Variants in KDM4B observed in about 807,000 individuals in gnomAD.
KDM4B encodes the protein lysine-specific demethylase 4B.
A neutral mutation model predicts 125.2 loss-of-function variants in KDM4B; 32 were observed. That is an observed-to-expected ratio of 0.26 (90% CI 0.19 to 0.34). The LOEUF is 0.34. KDM4B is among the 10% of genes least tolerant of loss of function. The probability of loss-of-function intolerance (pLI) is 1.00; values close to 1 mark genes in which losing one functional copy is unlikely to be tolerated. For missense variants in KDM4B, 1,190 were observed against 1,577.7 expected (o/e 0.75, Z 4.16); for synonymous variants, 721 against 677.9 (o/e 1.06, Z -0.99).
intron 11 of KDM4B, among the ~76,000 whole-genome samples, chr19:5,125,053 C>T (rs1255708702): frequency 6.6e-6 from 1 of 152,020 alleles, no homozygotes; most frequent in East Asian, 1.9e-4. Context: ...ACGTGCACCG[C>T]AACTCCGCTC....
intron 9 of KDM4B, among the ~76,000 whole-genome samples, chr19:5,088,213 C>A (rs777683765): frequency 7.2e-5 from 11 of 152,230 alleles, no homozygotes; most frequent in Non-Finnish European, 1.6e-4. Context: ...GGTGACCGTC[C>A]ACACCTGCAG....
chr19:5,131,072 A>G lies in KDM4B; in HGVS notation c.1316-4A>G. 6.7e-7 allele frequency: 1 copy of G among 1,502,712 alleles called. No individual in the cohort carries two copies. Among genetic ancestry groups the G allele is most frequent in the African/African-American group, 1.4e-5 (1 of 71,584 alleles). 93.1% of individuals were successfully genotyped at this position (1,502,712 alleles called of 1,614,324 possible). ...TCCCTGACCTCCCTCTCCTCTTCCC[A>G]CAGAGGACGGGAGGGGCAAGCTGCG... is the stretch of plus-strand genomic sequence containing the variant. On this transcript the variant is annotated splice_polypyrimidine_tract_variant and splice_region_variant and intron_variant, in intron 11 of 22. Coordinates refer to ENST00000159111, the MANE Select transcript of KDM4B (RefSeq NM_015015.3).
chr19:5,121,886 C>T (rs1279687040), intron 11 of KDM4B, among the ~76,000 whole-genome samples: 1 of 151,962 alleles, frequency 6.6e-6, no homozygotes, highest in East Asian at 1.9e-4. Context: ...GCAGGGCTTG[C>T]CACAGAGCTT....
intron 5 of KDM4B, among the ~76,000 whole-genome samples, chr19:5,042,612 C>T (rs1018648459): frequency 1.3e-5 from 2 of 151,834 alleles, no homozygotes; most frequent in African/African-American, 2.4e-5. Context: ...CTTGGGAGGC[C>T]TCAGGAAACT....
chr19:4,995,516 C>T (rs959882378), intron 1 of KDM4B, among the ~76,000 whole-genome samples: 4 of 152,022 alleles, frequency 2.6e-5, no homozygotes, highest in African/African-American at 4.8e-5. Context: ...TGACCTCAAC[C>T]GATCTGCCTA....
chr19:5,119,746 G>C lies in KDM4B; in HGVS notation c.1209G>C (p.Glu403Asp). The C allele has an allele frequency of 1.3e-6, 2 of 1,549,534 alleles. No individual in the cohort carries two copies. Among genetic ancestry groups the C allele is most frequent in the Non-Finnish European group, 8.7e-7 (1 of 1,146,460 alleles). ...EGTAGAALLE[E>D]AGGSVKEEAG... ...CGGCTGGGGCAGCGCTCCTAGAGGA[G>C]GCTGGGGGCAGCGTGAAGGAGGAGG... is the stretch of plus-strand genomic sequence containing the variant. The change falls in exon 11 of 23, where the codon GAG (glutamate) becomes GAC (aspartate). Residue 403 changes from glutamate (E) to aspartate (D), a missense_variant. Coordinates refer to ENST00000159111, the MANE Select transcript of KDM4B (RefSeq NM_015015.3).
intron 1 of KDM4B, among the ~76,000 whole-genome samples, chr19:4,969,958 A>G (rs1599320871): frequency 6.6e-6 from 1 of 151,742 alleles, no homozygotes; most frequent in Non-Finnish European, 1.5e-5. Context: ...TCCCCCTTCC[A>G]GCCTGATCGC....
chr19:5,138,728 C>A (rs1213011299), intron 18 of KDM4B, among the ~76,000 whole-genome samples: 3 of 152,150 alleles, frequency 2.0e-5, no homozygotes, highest in Non-Finnish European at 4.4e-5. Flanking sequence ...AGGTTCAGTA[C>A]AGCATTCACC....
intron 10 of KDM4B, among the ~76,000 whole-genome samples, chr19:5,116,235 T>TAAAAAAA (rs35940660): frequency 5.0e-5 from 2 of 40,376 alleles, no homozygotes; most frequent in African/African-American, 1.6e-4. Context: ...ACCACATCTC[T>TAAAAAAA]AAAAAAAAAA....
At chr19:4,978,923 T>C (rs1432861807) in intron 1 of KDM4B, among the ~76,000 whole-genome samples, 1 of 152,084 alleles carries the variant, frequency 6.6e-6, no homozygotes, top group Non-Finnish European at 1.5e-5. Flanking sequence ...GGGCGCAGGG[T>C]GGCCAGATGA....
intron 1 of KDM4B, among the ~76,000 whole-genome samples, chr19:4,979,722 C>T (rs1186180732): frequency 2.0e-5 from 3 of 152,184 alleles, no homozygotes; most frequent in Non-Finnish European, 4.4e-5. Flanking sequence ...TCTAGGACAG[C>T]CTCCCTTAGA....
rs1452185813 is a variant in KDM4B at position 5,140,979 on chromosome 19, T to G, written c.2550+2909T>G. The G allele has an allele frequency of 5.9e-5, 9 of 152,386 alleles. No individual in the cohort carries two copies. The East Asian group carries it at 1.7e-3, about 29-fold the overall frequency. 9.4% of individuals were successfully genotyped at this position (152,386 alleles called of 1,614,324 possible). A position where few individuals can be genotyped will look rare whatever the true frequency, so the allele number is the denominator to read the frequency against. On this transcript the variant is annotated intron_variant, in intron 18 of 22. Transcript: ENST00000159111. ...CGGACACAGTGCCTGGTGTTGACAT[T>G]CAGGCTTGCGTGGAGGTGGGGCTGG... is the stretch of plus-strand genomic sequence containing the variant.
At chr19:5,005,860 G>T (rs1270064076) in intron 1 of KDM4B, among the ~76,000 whole-genome samples, 3 of 152,152 alleles carry the variant, frequency 2.0e-5, no homozygotes, top group Admixed American at 2.0e-4. Flanking sequence ...GGCCCTGGGG[G>T]TCTAAGTGAT....
intron 2 of KDM4B, among the ~76,000 whole-genome samples, chr19:5,023,037 C>T (rs1206922328): frequency 2.0e-5 from 3 of 152,058 alleles, no homozygotes; most frequent in South Asian, 2.1e-4. Flanking sequence ...AGGGACTTTT[C>T]GCGGGTGGGA....
rs1262545359 is a variant in KDM4B, at chr19:5,078,241, G to A, written c.780+771G>A. On this transcript the variant is annotated intron_variant, in intron 8 of 22. Transcript: ENST00000159111. The surrounding 1 kb of genome is among the most constrained non-coding windows in gnomAD (Gnocchi z 4.5). ...TGTCCAGGTGAGAGGCACGTGCCAA[G>A]AACCTGCAAGGCAGGTCTGGGCCGC... The A allele has an allele frequency of 6.6e-6, 1 of 152,386 alleles. No homozygotes were observed. The highest frequency in any genetic ancestry group is 1.5e-5 in the Non-Finnish European group (1 of 68,152). The allele number at this position is 152,386 out of a possible 1,614,324, so 9.4% of individuals were successfully genotyped here.
At chr19:5,008,445 CT>C (rs773295180) in intron 1 of KDM4B, among the ~76,000 whole-genome samples, 8 of 152,156 alleles carry the variant, frequency 5.3e-5, no homozygotes, top group Admixed American at 3.9e-4. Context: ...TTTGTCTAGT[CT>C]TGAGTGTAGA....
At chr19:5,031,133 A>T (rs2036440095) in intron 2 of KDM4B, among the ~76,000 whole-genome samples, 1 of 152,212 alleles carries the variant, frequency 6.6e-6, no homozygotes, top group Non-Finnish European at 1.5e-5. Context: ...CTACATGGCC[A>T]CATCTGGGTG....
At chr19:5,128,521 G>A (rs566069425) in intron 11 of KDM4B, among the ~76,000 whole-genome samples, 3 of 152,350 alleles carry the variant, frequency 2.0e-5, no homozygotes, top group East Asian at 3.9e-4. Flanking sequence ...TATCATGGAC[G>A]AAGGAATATT....
intron 1 of KDM4B, among the ~76,000 whole-genome samples, chr19:5,007,469 G>T (rs1263411310): frequency 6.6e-6 from 1 of 150,938 alleles, no homozygotes; most frequent in Admixed American, 6.6e-5. Flanking sequence ...CTGCATACAA[G>T]TTCCTTATCA....
Sources: allele counts gnomAD v4.1 joint callset (sites outside exome capture counted in the v4.1 genomes callset), GRCh38; gene constraint gnomAD v4.1.1; non-coding constraint Gnocchi (gnomAD v3.1); transcripts MANE v1.5; gene names NCBI Gene and HGNC (gene_info 2026-07-23, HGNC 2026-07-21).